STK31: variants seen among roughly 807,000 people sequenced by gnomAD.
The protein encoded by STK31 is serine/threonine-protein kinase 31.
In STK31, 89 loss-of-function variants were observed where a neutral mutation model predicts 129.7. That is an observed-to-expected ratio of 0.69 (90% CI 0.58 to 0.82). The LOEUF (loss-of-function observed/expected upper bound fraction) is 0.82. STK31 is among the 40% of genes least tolerant of loss of function. The probability of loss-of-function intolerance (pLI) is 0.00; values close to 1 mark genes in which losing one functional copy is unlikely to be tolerated. For synonymous variants in STK31, 448 were observed against 395.3 expected, an observed-to-expected ratio of 1.13 and a Z score of -1.58; for missense variants, 1,187 against 1,176.4, an observed-to-expected ratio of 1.01 and a Z score of -0.13.
intron 8 of STK31, among the ~76,000 whole-genome samples, chr7:23,747,561 G>T (rs904939583): frequency 3.3e-5 from 5 of 151,814 alleles, no homozygotes; most frequent in African/African-American, 1.2e-4. Flanking sequence ...GTAGAGACGG[G>T]GTTTCACTAT....
At chr7:23,825,016 A>G (rs1397655308) in intron 23 of STK31, among the ~76,000 whole-genome samples, 2 of 151,828 alleles carry the variant, frequency 1.3e-5, no homozygotes, top group African/African-American at 4.8e-5. Context: ...TTTATTGAGG[A>G]TTTTTGCATC....
chr7:23,710,101 A>G (rs1297583297), upstream of STK31: 6 of 991,844 alleles, frequency 6.0e-6, no homozygotes, highest in African/African-American at 3.2e-5. Flanking sequence ...GGCAGCAGCC[A>G]GCGTCAGGCG....
At chr7:23,722,599 T>G (rs1473699986) in intron 4 of STK31, 1 of 152,350 alleles carries the variant, frequency 6.6e-6, no homozygotes, top group South Asian at 2.1e-4. Context: ...GGAGAACCAC[T>G]ACTCTCTTCA....
At chr7:23,810,648 T>TTA (rs1197831408) in intron 22 of STK31, among the ~76,000 whole-genome samples, 1 of 135,386 alleles carries the variant, frequency 7.4e-6, no homozygotes, top group Non-Finnish European at 1.6e-5. Flanking sequence ...AATATATAAA[T>TTA]TATATATATA....
At chr7:23,732,945 T>C (rs538779589) in intron 6 of STK31, among the ~76,000 whole-genome samples, 1 of 152,314 alleles carries the variant, frequency 6.6e-6, no homozygotes, top group East Asian at 1.9e-4. Context: ...TCCTAACATA[T>C]ATTTCAGTTA....
At chr7:23,733,853 T>A (rs1304529710) in intron 6 of STK31, among the ~76,000 whole-genome samples, 1 of 152,086 alleles carries the variant, frequency 6.6e-6, no homozygotes, top group African/African-American at 2.4e-5. Flanking sequence ...TGAAATAATT[T>A]TTTTTGTAAT....
chr7:23,758,126 A>G (rs1789218046), intron 10 of STK31, among the ~76,000 whole-genome samples: 1 of 152,154 alleles, frequency 6.6e-6, no homozygotes, highest in East Asian at 1.9e-4. Context: ...TCTTACGTCT[A>G]CTTCTTTCTG....
At chr7:23,736,614 A>C (rs909072249) in intron 7 of STK31, among the ~76,000 whole-genome samples, 1 of 152,026 alleles carries the variant, frequency 6.6e-6, no homozygotes, top group African/African-American at 2.4e-5. Context: ...GGACTGGAAA[A>C]AAACTAATAC....
intron 7 of STK31, among the ~76,000 whole-genome samples, chr7:23,736,681 A>AT (rs904847547): frequency 6.8e-4 from 103 of 151,348 alleles, no homozygotes; most frequent in African/African-American, 1.9e-3. Flanking sequence ...AAGTTGGAAT[A>AT]TTTTTTTTTG....
chr7:23,744,941 G>C (rs1788258550), intron 8 of STK31, among the ~76,000 whole-genome samples: 1 of 152,174 alleles, frequency 6.6e-6, no homozygotes, highest in African/African-American at 2.4e-5. Flanking sequence ...GTCTTGCTTG[G>C]GTGCTAGTAG....
intron 3 of STK31, among the ~76,000 whole-genome samples, chr7:23,716,145 T>C (rs916024584): frequency 6.6e-6 from 1 of 152,220 alleles, no homozygotes; most frequent in Admixed American, 6.5e-5. Flanking sequence ...CTTGGTTTCC[T>C]TTAACCTCTG....
intron 15 of STK31, among the ~76,000 whole-genome samples, chr7:23,775,206 G>A (rs1790461251): frequency 6.6e-6 from 1 of 152,198 alleles, no homozygotes; most frequent in Admixed American, 6.5e-5. Context: ...TTTGGCACCA[G>A]TACCATGCTG....
At chr7:23,743,837 A>T (rs1788193763) in intron 8 of STK31, among the ~76,000 whole-genome samples, 1 of 148,876 alleles carries the variant, frequency 6.7e-6, no homozygotes, top group Non-Finnish European at 1.5e-5. Flanking sequence ...TTCTTTTTTT[A>T]AATTTTTGAT....
At chr7:23,747,148 T>G (rs932207127) in intron 8 of STK31, among the ~76,000 whole-genome samples, 2 of 152,144 alleles carry the variant, frequency 1.3e-5, no homozygotes, top group African/African-American at 4.8e-5. Flanking sequence ...TGTGTAATGT[T>G]GTTTTCTGAT....
At chr7:23,796,559 A>G (rs1376378348) in intron 22 of STK31, among the ~76,000 whole-genome samples, 2 of 151,890 alleles carry the variant, frequency 1.3e-5, no homozygotes, top group Non-Finnish European at 2.9e-5. Context: ...TTTTTTTTGT[A>G]TACATTCTAT....
intron 19 of STK31, 73 bp from the exon 20 acceptor site, chr7:23,786,765 T>C: frequency 6.5e-7 from 1 of 1,549,992 alleles, no homozygotes; most frequent in Middle Eastern, 1.7e-4. Context: ...AATTATCCCA[T>C]AGAATCAATG....
intron 23 of STK31, among the ~76,000 whole-genome samples, chr7:23,822,072 A>G (rs989399043): frequency 6.6e-5 from 10 of 152,140 alleles, no homozygotes; most frequent in African/African-American, 2.4e-4. Flanking sequence ...AGTCAGTGTG[A>G]TGCCTCCACC....
At chr7:23,780,598 C>G (rs954901936) in intron 15 of STK31, among the ~76,000 whole-genome samples, 14 of 152,148 alleles carry the variant, frequency 9.2e-5, no homozygotes, top group Non-Finnish European at 4.4e-5. Flanking sequence ...GAGGAATAGT[C>G]ACTAGCTCAG....
intron 13 of STK31, among the ~76,000 whole-genome samples, chr7:23,770,723 A>C (rs1790129986): frequency 6.6e-6 from 1 of 152,088 alleles, no homozygotes; most frequent in Non-Finnish European, 1.5e-5. Flanking sequence ...TCCCTGCCTC[A>C]GCCTCCCTTG....
Sources: allele counts gnomAD v4.1 joint callset (sites outside exome capture counted in the v4.1 genomes callset), GRCh38; gene constraint gnomAD v4.1.1; transcripts MANE v1.5; gene names NCBI Gene and HGNC (gene_info 2026-07-23, HGNC 2026-07-21).